ATP8B1: variants seen among roughly 807,000 people sequenced by gnomAD.
ATP8B1 encodes the protein phospholipid-transporting ATPase IC.
A neutral mutation model predicts 149.9 loss-of-function variants in ATP8B1; 80 were observed. That is an observed-to-expected ratio of 0.53 (90% confidence interval 0.45 to 0.64). The LOEUF (loss-of-function observed/expected upper bound fraction) is 0.64. Among genes scored for constraint, ATP8B1 ranks in the 30% least tolerant of loss-of-function variants. The probability of loss-of-function intolerance (pLI) is 0.00; values close to 1 mark genes in which losing one functional copy is unlikely to be tolerated. For missense variants in ATP8B1, 1,247 were observed against 1,552.6 expected, an observed-to-expected ratio of 0.80 and a Z score of 3.31; for synonymous variants, 536 against 562.8, an observed-to-expected ratio of 0.95 and a Z score of 0.67.
At chr18:57,657,034 G>C (rs1429947110) in intron 22 of ATP8B1, among the ~76,000 whole-genome samples, 1 of 151,850 alleles carries the variant, frequency 6.6e-6, no homozygotes, top group Non-Finnish European at 1.5e-5. Context: ...GAACGTGCAG[G>C]TTTGTTACAT....
chr18:57,744,940 G>C (rs2079951419), intron 1 of ATP8B1, among the ~76,000 whole-genome samples: 1 of 152,186 alleles, frequency 6.6e-6, no homozygotes, highest in African/African-American at 2.4e-5. Flanking sequence ...GAATGAAAAG[G>C]CAGTAGAAGA....
intron 11 of ATP8B1, among the ~76,000 whole-genome samples, chr18:57,693,708 CA>C (rs1179772336): frequency 4.0e-5 from 6 of 148,776 alleles, no homozygotes; most frequent in Admixed American, 2.7e-4. Flanking sequence ...AACTCAATCT[CA>C]AAAAAAAACA....
chr18:57,782,466 A>G (rs1279819340), intron 1 of ATP8B1, among the ~76,000 whole-genome samples: 1 of 152,172 alleles, frequency 6.6e-6, no homozygotes, highest in Non-Finnish European at 1.5e-5. Context: ...TACATTGTCT[A>G]CTTTCCAAGC....
chr18:57,662,257 G>GA (rs924030623), intron 21 of ATP8B1, among the ~76,000 whole-genome samples: 2 of 152,034 alleles, frequency 1.3e-5, no homozygotes, highest in Non-Finnish European at 1.5e-5. Context: ...AGAAGAAAAT[G>GA]AAAAAACCCA....
chr18:57,691,813 T>G lies in ATP8B1; in HGVS notation c.1214A>C (p.Tyr405Ser), dbSNP rs776895822. The G allele has an allele frequency of 6.2e-7, 1 of 1,614,012 alleles. No homozygotes were observed. The highest frequency in any genetic ancestry group is 2.2e-5 in the East Asian group (1 of 44,882). The change falls in exon 12 of 28, where the codon TAT becomes TCT. Residue 405 changes from tyrosine to serine, a missense_variant. Transcript: ENST00000648908. Reference sequence around the variant, plus strand: ...CCAGAGAGGACAGCCTTACCTGACATAGAGAGAGATGGGTACCATGGTGTT... The same window carrying G: ...CCAGAGAGGACAGCCTTACCTGACAGAGAGAGAGATGGGTACCATGGTGTT... ...VLNTMVPISL[Y>S]VSVEVIRLGQ...
chr18:57,676,667 C>T (rs776188519), intron 15 of ATP8B1, among the ~76,000 whole-genome samples: 1 of 134,012 alleles, frequency 7.5e-6, no homozygotes, highest in Non-Finnish European at 1.6e-5. Flanking sequence ...TGCAGTGAGC[C>T]GAGATCTCGC....
intron 15 of ATP8B1, among the ~76,000 whole-genome samples, chr18:57,679,821 C>T (rs901937716): frequency 1.3e-5 from 2 of 152,078 alleles, no homozygotes; most frequent in Admixed American, 6.6e-5. Flanking sequence ...CCCGCCACCA[C>T]GCCCAGCTAA....
At chr18:57,796,830 G>T (rs1219373738) in intron 1 of ATP8B1, among the ~76,000 whole-genome samples, 1 of 152,150 alleles carries the variant, frequency 6.6e-6, no homozygotes, top group Non-Finnish European at 1.5e-5. Context: ...GAGACTACAG[G>T]CGTGTGCCAC....
intron 1 of ATP8B1, among the ~76,000 whole-genome samples, chr18:57,765,095 T>C (rs1179913774): frequency 6.6e-6 from 1 of 152,212 alleles, no homozygotes; most frequent in Non-Finnish European, 1.5e-5. Flanking sequence ...CAAGGAACTA[T>C]CATTTGGCCT....
intron 1 of ATP8B1, among the ~76,000 whole-genome samples, chr18:57,777,108 G>C (rs1223053492): frequency 6.6e-6 from 1 of 151,908 alleles, no homozygotes; most frequent in Non-Finnish European, 1.5e-5. Context: ...CTCCCATGTA[G>C]CTGGGACTAT....
Position 57,739,162 on chromosome 18 carries a change from A to AC in ATP8B1, c.-25-7331_-25-7330insG, listed in dbSNP as rs538978987. On this transcript the variant is annotated intron_variant, in intron 1 of 27. Coordinates refer to ENST00000648908, the MANE Select transcript of ATP8B1 (RefSeq NM_001374385.1). The stretch of plus-strand genomic sequence containing the variant: ...AGGTGCCCGCCATGACACTCAGCTA[A>AC]TTTTTTTGTATTTTCAGTAGAGACA... 4.1e-3 allele frequency among the ~76,000 whole-genome samples: 626 copies of AC among 151,866 alleles called. 8 individuals carry two copies. Among genetic ancestry groups the AC allele is most frequent in the Admixed American group, 3.4e-3 (52 of 15,242 alleles).
Position 57,739,382 on chromosome 18 carries a change from C to T in ATP8B1, c.-25-7550G>A, listed in dbSNP as rs147492924. 7.2e-5 allele frequency among the ~76,000 whole-genome samples: 11 copies of T among 152,280 alleles called. No homozygotes were observed. The East Asian group carries it at 2.1e-3, about 29-fold the overall frequency. Reference sequence around the variant, plus strand: ...GATTCTGCCCTCCTCTTCCTGCTACCACTGGCCCCCTTGAGCACCTACATT... The same window carrying T: ...GATTCTGCCCTCCTCTTCCTGCTACTACTGGCCCCCTTGAGCACCTACATT... On this transcript the variant is annotated intron_variant, in intron 1 of 27. Transcript: ENST00000648908.
At chr18:57,696,580 C>A (rs994344349) in intron 8 of ATP8B1, among the ~76,000 whole-genome samples, 4 of 147,882 alleles carry the variant, frequency 2.7e-5, no homozygotes, top group South Asian at 2.1e-4. Context: ...AGATTTCCAA[C>A]AGTCAATTGC....
intron 1 of ATP8B1, among the ~76,000 whole-genome samples, chr18:57,783,317 A>C (rs758893079): frequency 2.1e-4 from 32 of 152,208 alleles, no homozygotes; most frequent in Admixed American, 1.2e-3. Flanking sequence ...CTTTATGTTT[A>C]ACAAAAGTTC....
rs1399505275 is a variant in ATP8B1 at position 57,648,075 on chromosome 18, CT to C, written c.*412del. Reference sequence around the variant, plus strand: ...AATCTCGGCTCACTGTAACCTCCATCTCCCAGGTTCAAGCGATTCTTCTGCT... The same window carrying C: ...AATCTCGGCTCACTGTAACCTCCATCCCCAGGTTCAAGCGATTCTTCTGCT... On this transcript the variant is annotated 3_prime_UTR_variant, in exon 28 of 28. Coordinates refer to ENST00000648908, the MANE Select transcript of ATP8B1 (RefSeq NM_001374385.1). 1 of 331,698 alleles carries C rather than the reference CT, an allele frequency of 3.0e-6. No individual in the cohort carries two copies. The highest frequency in any genetic ancestry group is 5.9e-6 in the Non-Finnish European group (1 of 169,824). 20.5% of individuals were successfully genotyped at this position (331,698 alleles called of 1,614,324 possible).
chr18:57,734,859 T>C (rs1410855284), intron 1 of ATP8B1, among the ~76,000 whole-genome samples: 1 of 152,210 alleles, frequency 6.6e-6, no homozygotes, highest in Non-Finnish European at 1.5e-5. Flanking sequence ...AGGCCGACTA[T>C]GAATCCCTAA....
In ATP8B1 at chr18:57,784,750, C is replaced by T. The variant is rs978473224; in HGVS notation, c.-26+18248G>A. Among the ~76,000 whole-genome samples the T allele has an allele frequency of 1.3e-5, 2 of 152,134 alleles. No homozygotes were observed. Among genetic ancestry groups the T allele is most frequent in the African/African-American group, 2.4e-5 (1 of 41,428 alleles). On this transcript the variant is annotated intron_variant, in intron 1 of 27. Transcript: ENST00000648908. The surrounding 1 kb of genome is among the most constrained non-coding windows in gnomAD (Gnocchi z 4.4). ...GTAGCATTTTAAGAGGACTCCTACCCGTGGTTTAGGGTAGAATTCCTCAGC... is the reference window on the plus strand; with the variant it reads ...GTAGCATTTTAAGAGGACTCCTACCTGTGGTTTAGGGTAGAATTCCTCAGC...
intron 10 of ATP8B1, 150 bp downstream of exon 10, chr18:57,695,021 C>T: frequency 4.1e-6 from 3 of 736,906 alleles, no homozygotes; most frequent in East Asian, 6.8e-5. Flanking sequence ...CAGAGTGAGA[C>T]TCTGTCTCAA....
At chr18:57,658,226 T>G (rs373794742) in intron 22 of ATP8B1, among the ~76,000 whole-genome samples, 1 of 152,186 alleles carries the variant, frequency 6.6e-6, no homozygotes, top group East Asian at 1.9e-4. Flanking sequence ...ATTTTTGTAC[T>G]TTTAGTGGAG....
Sources: gnomAD v4.1 joint callset for allele counts (sites outside exome capture counted in the v4.1 genomes callset) on GRCh38, gnomAD v4.1.1 for gene constraint, Gnocchi (gnomAD v3.1) non-coding constraint, MANE v1.5 for transcripts, NCBI Gene and HGNC (gene_info 2026-07-23, HGNC 2026-07-21) for gene names.